ZNF407: variants seen among roughly 807,000 people sequenced by gnomAD.
ZNF407 encodes zinc finger protein 407.
Under a neutral mutation model 131.2 loss-of-function variants are expected in ZNF407, and 17 were observed. That is an observed-to-expected ratio of 0.13 (90% CI 0.09 to 0.19). The LOEUF (loss-of-function observed/expected upper bound fraction) is 0.19. Ranked by LOEUF, ZNF407 falls within the 10% of genes least tolerant of loss-of-function variation. The pLI is 1.00. For missense variants in ZNF407, 2,681 were observed against 2,830.6 expected (o/e 0.95, Z 1.20); for synonymous variants, 1,156 against 1,062.0 (o/e 1.09, Z -1.72).
At chr18:74,748,057 G>T (rs1423417789) in intron 3 of ZNF407, among the ~76,000 whole-genome samples, 1 of 152,052 alleles carries the variant, frequency 6.6e-6, no homozygotes, top group African/African-American at 2.4e-5. Context: ...TTAAAATGTT[G>T]CTTGGTGATT....
At chr18:74,750,415 G>C (rs747851660) in intron 3 of ZNF407, among the ~76,000 whole-genome samples, 9 of 152,112 alleles carry the variant, frequency 5.9e-5, no homozygotes, top group Non-Finnish European at 1.2e-4. Context: ...TAAATCATCA[G>C]CTTTTCTTTT....
intron 8 of ZNF407, among the ~76,000 whole-genome samples, chr18:74,949,179 C>A (rs1034350797): frequency 6.6e-6 from 1 of 152,134 alleles, no homozygotes; most frequent in Non-Finnish European, 1.5e-5. Flanking sequence ...GACAAACACA[C>A]ATTTGAAATA....
intron 8 of ZNF407, among the ~76,000 whole-genome samples, chr18:74,944,816 C>T (rs997872491): frequency 2.0e-5 from 3 of 152,080 alleles, no homozygotes; most frequent in Non-Finnish European, 4.4e-5. Flanking sequence ...AAAGGAGTTC[C>T]AAAGAAGCAG....
At chr18:74,949,734 A>T (rs566464735) in intron 8 of ZNF407, among the ~76,000 whole-genome samples, 25 of 152,244 alleles carry the variant, frequency 1.6e-4, no homozygotes, top group African/African-American at 5.1e-4. Flanking sequence ...GCTTCTGTGG[A>T]TAAGCAGTGG....
At chr18:74,857,101 C>T (rs530235791) in intron 4 of ZNF407, among the ~76,000 whole-genome samples, 1 of 152,266 alleles carries the variant, frequency 6.6e-6, no homozygotes, top group South Asian at 2.1e-4. Flanking sequence ...TCTAATAGTT[C>T]TCTGCTTACT....
intron 3 of ZNF407, among the ~76,000 whole-genome samples, chr18:74,704,008 A>C (rs1967563291): frequency 6.6e-6 from 1 of 151,982 alleles, no homozygotes; most frequent in South Asian, 2.1e-4. Flanking sequence ...CATGAAGTTA[A>C]TGACATAGAA....
chr18:74,762,509 C>G (rs367877252), intron 3 of ZNF407, among the ~76,000 whole-genome samples: 14 of 151,962 alleles, frequency 9.2e-5, no homozygotes, highest in African/African-American at 3.1e-4. Flanking sequence ...TCCATGAAAC[C>G]TTTACCTCAA....
At chr18:74,814,812 AAT>A (rs1423099027) in intron 4 of ZNF407, among the ~76,000 whole-genome samples, 45 of 152,298 alleles carry the variant, frequency 3.0e-4, no homozygotes, top group African/African-American at 9.4e-4. Flanking sequence ...GCATTAAAAT[AAT>A]ATGAGTGGTC....
chr18:75,022,565 G>A (rs949304758), intron 8 of ZNF407, among the ~76,000 whole-genome samples: 3 of 152,148 alleles, frequency 2.0e-5, no homozygotes, highest in African/African-American at 7.2e-5. Flanking sequence ...AAGACTATAC[G>A]AGTGAAATAA....
chr18:74,844,742 A>C (rs1970679745), intron 4 of ZNF407, among the ~76,000 whole-genome samples: 1 of 152,206 alleles, frequency 6.6e-6, no homozygotes, highest in African/African-American at 2.4e-5. Flanking sequence ...CACCATGAGA[A>C]AACAAGATAA....
chr18:74,840,913 A>T (rs1970623243), intron 4 of ZNF407, among the ~76,000 whole-genome samples: 3 of 152,176 alleles, frequency 2.0e-5, no homozygotes, highest in Admixed American at 2.0e-4. Flanking sequence ...ATCTCTTCTC[A>T]GTTTGGTAAA....
Position 74,813,303 on chromosome 18 carries a change from G to T in ZNF407, c.4877+31801G>T, listed in dbSNP as rs1970222842. ...CCTCAGCCCTCAGAGACTGCATGAG[G>T]GCTCCTTGTGTTCTGGGGAGGTCTT... is the stretch of plus-strand genomic sequence containing the variant. On this transcript the variant is annotated intron_variant, in intron 4 of 8. Coordinates refer to ENST00000299687, the MANE Select transcript of ZNF407 (RefSeq NM_017757.3). 2.6e-5 allele frequency among the ~76,000 whole-genome samples: 4 copies of T among 152,136 alleles called. No homozygotes were observed. In the South Asian group the frequency reaches 8.3e-4, roughly 32 times the overall value.
chr18:74,758,622 A>T (rs1969019254), intron 3 of ZNF407, among the ~76,000 whole-genome samples: 1 of 152,084 alleles, frequency 6.6e-6, no homozygotes, highest in Admixed American at 6.6e-5. Context: ...ATGGAGTCTT[A>T]CTCTGTCACC....
chr18:74,899,520 G>A (rs1340155542), intron 7 of ZNF407, among the ~76,000 whole-genome samples: 1 of 152,202 alleles, frequency 6.6e-6, no homozygotes, highest in East Asian at 1.9e-4. Flanking sequence ...TCTGGGATGA[G>A]CTGCTTATGA....
intron 7 of ZNF407, among the ~76,000 whole-genome samples, chr18:74,913,042 C>G (rs1055346610): frequency 2.0e-5 from 3 of 152,138 alleles, no homozygotes; most frequent in African/African-American, 7.2e-5. Context: ...GGCAACAATT[C>G]AAAAATTTGG....
chr18:74,802,136 A>C (rs1358571399), intron 4 of ZNF407, among the ~76,000 whole-genome samples: 6 of 152,176 alleles, frequency 3.9e-5, no homozygotes, highest in Admixed American at 6.5e-5. Context: ...CTCAATTCTC[A>C]TGTATATATA....
chr18:74,981,690 G>A (rs1027628662), intron 8 of ZNF407, among the ~76,000 whole-genome samples: 2 of 152,174 alleles, frequency 1.3e-5, no homozygotes, highest in South Asian at 2.1e-4. Flanking sequence ...AGGACGCGGC[G>A]TGGACCAGCC....
At chr18:74,659,196 T>C (rs1985608726) in intron 3 of ZNF407, among the ~76,000 whole-genome samples, 1 of 152,326 alleles carries the variant, frequency 6.6e-6, no homozygotes, top group Admixed American at 6.5e-5. Context: ...TTTTCAAAGA[T>C]TGGATTTTGA....
chr18:74,988,244 A>C (rs1001850863), intron 8 of ZNF407, among the ~76,000 whole-genome samples: 14 of 152,232 alleles, frequency 9.2e-5, no homozygotes, highest in African/African-American at 3.4e-4. Flanking sequence ...CACCATTCAA[A>C]AAATTGCCTC....
Sources: allele counts gnomAD v4.1 joint callset (sites outside exome capture counted in the v4.1 genomes callset), GRCh38; gene constraint gnomAD v4.1.1; transcripts MANE v1.5; gene names NCBI Gene and HGNC (gene_info 2026-07-23, HGNC 2026-07-21).